TPRG1: variants seen among roughly 807,000 people sequenced by gnomAD.
TPRG1 encodes the protein tumor protein p63-regulated gene 1 protein.
In TPRG1, 29 loss-of-function variants were observed where a neutral mutation model predicts 29.3. That is an observed-to-expected ratio of 0.99 (90% CI 0.74 to 1.35). The LOEUF (loss-of-function observed/expected upper bound fraction) is 1.35. Among genes scored for constraint, TPRG1 ranks in the 40% most tolerant of loss-of-function variants. The pLI is 0.00. For synonymous variants in TPRG1, 130 were observed against 116.8 expected, an observed-to-expected ratio of 1.11 and a Z score of -0.73; for missense variants, 327 against 335.0, an observed-to-expected ratio of 0.98 and a Z score of 0.19.
At chr3:189,054,102 G>A (rs1715505679) in intron 4 of TPRG1, among the ~76,000 whole-genome samples, 1 of 151,854 alleles carries the variant, frequency 6.6e-6, no homozygotes, top group Non-Finnish European at 1.5e-5. Flanking sequence ...ATCATTTCTA[G>A]CTTTTGATTT....
chr3:189,063,341 T>C (rs1042751247), intron 4 of TPRG1, among the ~76,000 whole-genome samples: 1 of 152,126 alleles, frequency 6.6e-6, no homozygotes, highest in Non-Finnish European at 1.5e-5. Context: ...CAGCAACTGA[T>C]AGAACTCCTA....
At chr3:189,118,429 C>T (rs987989999) in intron 1 of TPRG1, among the ~76,000 whole-genome samples, 2 of 152,160 alleles carry the variant, frequency 1.3e-5, no homozygotes, top group Admixed American at 1.3e-4. Context: ...AATTGCAAGC[C>T]ACCTGCAGAA....
chr3:189,145,328 C>T (rs1370787920), intron 3 of TPRG1, among the ~76,000 whole-genome samples: 1 of 141,956 alleles, frequency 7.0e-6, no homozygotes, highest in Non-Finnish European at 1.5e-5. Flanking sequence ...TGCCAGTGCA[C>T]TCCAGCCTGG....
In TPRG1 at chr3:189,165,282, G is replaced by GAC. The variant is rs527742803; in HGVS notation, c.-10+14416_-10+14417dup. 1.4e-4 allele frequency among the ~76,000 whole-genome samples: 21 copies of GAC among 151,932 alleles called. No individual in the cohort carries two copies. In the South Asian group the frequency reaches 4.0e-3, roughly 29 times the overall value. ...ACTTTGCCTGCCGCCCAGTGTTCCAGACACACAGGTTTTACTGCTGTTTCC... is the reference window on the plus strand; with the variant it reads ...ACTTTGCCTGCCGCCCAGTGTTCCAGACACACACAGGTTTTACTGCTGTTTCC... On this transcript the variant is annotated intron_variant, in intron 5 of 6. Coordinates refer to the TPRG1 transcript ENST00000412373.
intron 4 of TPRG1, among the ~76,000 whole-genome samples, chr3:189,084,576 A>C (rs916659486): frequency 6.6e-6 from 1 of 152,260 alleles, no homozygotes; most frequent in African/African-American, 2.4e-5. Context: ...TTGCTTAATT[A>C]GGTTAAATAT....
chr3:189,045,516 C>A (rs144191467), intron 4 of TPRG1, among the ~76,000 whole-genome samples: 2 of 152,150 alleles, frequency 1.3e-5, no homozygotes, highest in Non-Finnish European at 2.9e-5. Flanking sequence ...AGCAGTTAAT[C>A]GGAACAGGTT....
chr3:189,080,224 C>T (rs539244574), intron 4 of TPRG1, among the ~76,000 whole-genome samples: 6 of 152,138 alleles, frequency 3.9e-5, no homozygotes, highest in African/African-American at 9.6e-5. Context: ...GTTTTAATAT[C>T]GGGAATTTGT....
chr3:189,252,561 G>C (rs1742455856), intron 4 of TPRG1, among the ~76,000 whole-genome samples: 1 of 152,148 alleles, frequency 6.6e-6, no homozygotes, highest in Admixed American at 6.5e-5. Context: ...CAGAAAAGTA[G>C]AGGAAGGAGG....
intron 1 of TPRG1, among the ~76,000 whole-genome samples, chr3:189,179,852 G>A (rs2108689570): frequency 6.6e-6 from 1 of 152,314 alleles, no homozygotes; most frequent in Non-Finnish European, 1.5e-5. Flanking sequence ...CTTATATGCA[G>A]AACTAATTAA....
intron 3 of TPRG1, among the ~76,000 whole-genome samples, chr3:189,021,706 T>C (rs1297971053): frequency 6.6e-6 from 1 of 152,132 alleles, no homozygotes; most frequent in Non-Finnish European, 1.5e-5. Context: ...GACAATTATG[T>C]GTCTTGGAGT....
chr3:189,013,283 A>T (rs904629527), intron 3 of TPRG1, among the ~76,000 whole-genome samples: 1 of 152,114 alleles, frequency 6.6e-6, no homozygotes, highest in Non-Finnish European at 1.5e-5. Flanking sequence ...TTTACCCTAA[A>T]TTCATTCAGG....
At chr3:189,069,527 A>T (rs191719991) in intron 4 of TPRG1, among the ~76,000 whole-genome samples, 1 of 151,780 alleles carries the variant, frequency 6.6e-6, no homozygotes, top group Non-Finnish European at 1.5e-5. Flanking sequence ...CATGGTATTT[A>T]TCTATATTAT....
At position 189,080,038 on chromosome 3, in the gene TPRG1, C is replaced by T. The variant is rs1473754765; in HGVS notation, c.-462-47019C>T. The stretch of plus-strand genomic sequence containing the variant: ...GCTAAATAGATATCTGTTGAATGAA[C>T]GAATAAATGAGAAAATTTATTGCAC... On this transcript the variant is annotated intron_variant, in intron 4 of 10. Coordinates refer to the TPRG1 transcript ENST00000433971. Among the ~76,000 whole-genome samples, 7 of 151,992 alleles carry T rather than the reference C, an allele frequency of 4.6e-5. 1 individual carries two copies. Among genetic ancestry groups the T allele is most frequent in the Non-Finnish European group, 1.0e-4 (7 of 68,024 alleles).
chr3:189,133,022 A>G (rs966717363), intron 3 of TPRG1, among the ~76,000 whole-genome samples: 1 of 152,212 alleles, frequency 6.6e-6, no homozygotes, highest in South Asian at 2.1e-4. Context: ...CAGGAAAAAC[A>G]TGATACCATG....
chr3:189,116,862 G>A (rs1402263043), intron 1 of TPRG1, among the ~76,000 whole-genome samples: 1 of 152,130 alleles, frequency 6.6e-6, no homozygotes, highest in Non-Finnish European at 1.5e-5. Flanking sequence ...ACTGGTTGTA[G>A]AACAGTGTGA....
intron 1 of TPRG1, among the ~76,000 whole-genome samples, chr3:189,109,378 A>G (rs1720224718): frequency 6.6e-6 from 1 of 152,222 alleles, no homozygotes; most frequent in Non-Finnish European, 1.5e-5. Context: ...TGGAGTTACC[A>G]GATGTAATCG....
At chr3:189,006,549 G>C (rs1712296328) in intron 3 of TPRG1, among the ~76,000 whole-genome samples, 1 of 152,098 alleles carries the variant, frequency 6.6e-6, no homozygotes, top group Admixed American at 6.6e-5. Context: ...GATACACTCT[G>C]ACAACTATAA....
At chr3:189,255,225 A>T (rs1289538894) in intron 4 of TPRG1, among the ~76,000 whole-genome samples, 1 of 152,178 alleles carries the variant, frequency 6.6e-6, no homozygotes, top group Non-Finnish European at 1.5e-5. Flanking sequence ...GAGTGTTTTT[A>T]GCATGAAGCG....
At chr3:189,158,151 T>G (rs1474933843) in intron 5 of TPRG1, among the ~76,000 whole-genome samples, 1 of 152,204 alleles carries the variant, frequency 6.6e-6, no homozygotes, top group African/African-American at 2.4e-5. Flanking sequence ...CTTAAACCAC[T>G]TAAGACAGGA....
Sources: allele counts gnomAD v4.1 joint callset (sites outside exome capture counted in the v4.1 genomes callset), GRCh38; gene constraint gnomAD v4.1.1; transcripts MANE v1.5; gene names NCBI Gene and HGNC (gene_info 2026-07-23, HGNC 2026-07-21).